The following MPPED1 variants were observed in gnomAD, a reference collection of about 807,000 sequenced individuals.
MPPED1 encodes metallophosphoesterase domain-containing protein 1.
A neutral mutation model predicts 36.2 loss-of-function variants in MPPED1; 16 were observed. That is an observed-to-expected ratio of 0.44 (90% CI 0.30 to 0.67). The LOEUF is 0.67. MPPED1 is among the 30% of genes least tolerant of loss of function. MPPED1 has a pLI of 0.10. For missense variants in MPPED1, 307 were observed against 453.4 expected (o/e 0.68, Z 2.93); for synonymous variants, 199 against 191.3 (o/e 1.04, Z -0.33).
At position 43,474,731 on chromosome 22, in the gene MPPED1, T is replaced by G; in HGVS notation, c.407-5T>G. 1 of 1,613,782 alleles carries G rather than the reference T, an allele frequency of 6.2e-7. No individual in the cohort carries two copies. The highest frequency in any genetic ancestry group is 2.2e-5 in the East Asian group (1 of 44,862). On this transcript the variant is annotated splice_region_variant and splice_polypyrimidine_tract_variant and intron_variant, in intron 3 of 6. Transcript: ENST00000443721. This position sits in a 1 kb window ranked among gnomAD's most constrained non-coding sequence, Gnocchi z 5.2. The stretch of plus-strand genomic sequence containing the variant: ...CTGTGTGTCTGTCTGTGTCCACCCC[T>G]GCAGGCAGCCTGCCCTACGAGTACA...
At chr22:43,434,575 T>C (rs558395741) in intron 2 of MPPED1, among the ~76,000 whole-genome samples, 6 of 152,158 alleles carry the variant, frequency 3.9e-5, no homozygotes, top group Non-Finnish European at 7.4e-5. Context: ...GTGAGGTACC[T>C]AAACACACGT....
At chr22:43,418,281 G>C (rs1165640262) in intron 1 of MPPED1, 1 of 393,008 alleles carries the variant, frequency 2.5e-6, no homozygotes, top group Non-Finnish European at 5.1e-6. Flanking sequence ...CGCTGAGTTT[G>C]AGAGGCCTGT....
chr22:43,421,625 A>T (rs1929278420), intron 1 of MPPED1, among the ~76,000 whole-genome samples: 1 of 152,130 alleles, frequency 6.6e-6, no homozygotes, highest in African/African-American at 2.4e-5. Context: ...AGCTCTCCTG[A>T]CACCCACCCT....
chr22:43,501,203 C>T (rs760525537), intron 5 of MPPED1, among the ~76,000 whole-genome samples: 14 of 152,176 alleles, frequency 9.2e-5, no homozygotes, highest in South Asian at 2.1e-4. Context: ...CACCTGAAGC[C>T]GCCTGAGTCC....
chr22:43,501,054 G>T (rs979740962), intron 5 of MPPED1, among the ~76,000 whole-genome samples: 1 of 152,118 alleles, frequency 6.6e-6, no homozygotes, highest in African/African-American at 2.4e-5. Context: ...CAGCCAGTGC[G>T]CCACGGCCCC....
intron 3 of MPPED1, among the ~76,000 whole-genome samples, chr22:43,468,607 T>C (rs1931254252): frequency 6.6e-6 from 1 of 152,190 alleles, no homozygotes; most frequent in Admixed American, 6.5e-5. Context: ...TTCCCCTTTC[T>C]GAGCTCCAGT....
intron 1 of MPPED1, among the ~76,000 whole-genome samples, chr22:43,414,089 C>A (rs1928998148): frequency 6.6e-6 from 1 of 152,152 alleles, no homozygotes; most frequent in African/African-American, 2.4e-5. Context: ...AGGTTTAGAT[C>A]TAGGCGAACA....
At chr22:43,497,807 G>T (rs1294142603) in intron 4 of MPPED1, among the ~76,000 whole-genome samples, 4 of 150,496 alleles carry the variant, frequency 2.7e-5, no homozygotes, top group Non-Finnish European at 5.9e-5. Context: ...GGGGAGGGAG[G>T]ATGGAGGGGC....
At chr22:43,427,376 G>A (rs948841029) in intron 2 of MPPED1, among the ~76,000 whole-genome samples, 1 of 152,160 alleles carries the variant, frequency 6.6e-6, no homozygotes, top group Admixed American at 6.5e-5. Flanking sequence ...TTGGGAGAGG[G>A]TGTGAGGAGG....
intron 2 of MPPED1, among the ~76,000 whole-genome samples, chr22:43,426,273 C>T (rs953461194): frequency 2.6e-5 from 4 of 151,968 alleles, no homozygotes; most frequent in African/African-American, 7.3e-5. Context: ...TGCTTGAGAG[C>T]GGAGGCCATT....
At chr22:43,485,851 G>A (rs572792676) in intron 4 of MPPED1, among the ~76,000 whole-genome samples, 3 of 152,372 alleles carry the variant, frequency 2.0e-5, no homozygotes, top group South Asian at 2.1e-4. Flanking sequence ...CTGACTTGCC[G>A]TACGCAGTTG....
intron 3 of MPPED1, among the ~76,000 whole-genome samples, chr22:43,464,391 A>G (rs566473115): frequency 2.6e-4 from 40 of 151,904 alleles, no homozygotes; most frequent in African/African-American, 9.4e-4. Flanking sequence ...GGCAAGCCCT[A>G]TATTGATACC....
chr22:43,488,189 C>T (rs1323620482), intron 4 of MPPED1, among the ~76,000 whole-genome samples: 3 of 152,110 alleles, frequency 2.0e-5, no homozygotes, highest in African/African-American at 7.2e-5. Context: ...GCGGCCCCTA[C>T]GCCGCCCTCA....
chr22:43,431,878 A>G (rs1929699725), intron 2 of MPPED1, among the ~76,000 whole-genome samples: 1 of 152,204 alleles, frequency 6.6e-6, no homozygotes, highest in South Asian at 2.1e-4. Context: ...TCTGGGGATG[A>G]CTAGGTCTGC....
rs767431814 is a variant in MPPED1, at chr22:43,425,075, C to T, written c.90C>T (p.Ser30=). ...GCCTGGGCATGGCATTCTCCCAGTC[C>T]CACGTGATGGCCGCTCGGCGGCACC... ...PCGLGMAFSQ[S]HVMAARRHQH... is the part of the protein sequence containing the mutation. Residue 30 remains serine (S), a synonymous_variant, in exon 2 of 7, where the codon TCC becomes TCT. Transcript: ENST00000443721. The T allele has an allele frequency of 3.1e-6, 5 of 1,613,674 alleles. 1 individual carries two copies. In the South Asian group the frequency reaches 4.4e-5, roughly 14 times the overall value.
intron 4 of MPPED1, among the ~76,000 whole-genome samples, chr22:43,479,669 C>G (rs556886260): frequency 6.6e-6 from 1 of 152,340 alleles, no homozygotes; most frequent in South Asian, 2.1e-4. Flanking sequence ...GCTGGAAATT[C>G]CCCCTTAAGC....
intron 3 of MPPED1, among the ~76,000 whole-genome samples, chr22:43,453,976 A>C (rs1427881194): frequency 6.6e-6 from 1 of 151,902 alleles, no homozygotes; most frequent in East Asian, 1.9e-4. Context: ...GGCATCCACC[A>C]TTCTACTTTC....
intron 3 of MPPED1, among the ~76,000 whole-genome samples, chr22:43,453,417 C>G (rs1930643398): frequency 6.6e-6 from 1 of 152,100 alleles, no homozygotes; most frequent in Admixed American, 6.5e-5. Flanking sequence ...GAAGCCATGC[C>G]TTTAAAATCC....
chr22:43,430,515 C>T (rs1327400889), intron 2 of MPPED1, among the ~76,000 whole-genome samples: 2 of 152,124 alleles, frequency 1.3e-5, no homozygotes, highest in Non-Finnish European at 2.9e-5. Context: ...CGTCGGAGGC[C>T]GTGTTCTCTC....
Sources: allele counts gnomAD v4.1 joint callset (sites outside exome capture counted in the v4.1 genomes callset), GRCh38; gene constraint gnomAD v4.1.1; non-coding constraint Gnocchi (gnomAD v3.1); transcripts MANE v1.5; gene names NCBI Gene and HGNC (gene_info 2026-07-23, HGNC 2026-07-21).